Variants in HPSE2 observed in about 807,000 individuals in gnomAD.
HPSE2 encodes the protein heparanase 2 (inactive), also known as inactive heparanase-2.
HPSE2 carries 38 observed loss-of-function variants against 60.5 expected under a neutral mutation model. The observed-to-expected ratio is 0.63, with a 90% CI of 0.48 to 0.82. The LOEUF is 0.82. Among genes scored for constraint, HPSE2 ranks in the 40% least tolerant of loss-of-function variants. The pLI is 0.00. For synonymous variants in HPSE2, 295 were observed against 293.2 expected (o/e 1.01, Z -0.06); for missense variants, 713 against 740.4 (o/e 0.96, Z 0.43).
intron 3 of HPSE2, among the ~76,000 whole-genome samples, chr10:99,058,369 G>C (rs894951050): frequency 6.6e-6 from 1 of 152,188 alleles, no homozygotes; most frequent in Admixed American, 6.5e-5. Flanking sequence ...TGAGCCTCTA[G>C]TTTTGTGTTG....
intron 2 of HPSE2, among the ~76,000 whole-genome samples, chr10:99,208,657 C>A (rs1046335038): frequency 6.6e-6 from 1 of 151,166 alleles, no homozygotes; most frequent in African/African-American, 2.4e-5. Flanking sequence ...TGCACTCCCA[C>A]CTGGGTGACA....
chr10:98,619,211 GC>G (rs939821109), intron 8 of HPSE2, among the ~76,000 whole-genome samples: 9 of 152,088 alleles, frequency 5.9e-5, no homozygotes, highest in African/African-American at 2.2e-4. Context: ...TGAGGGCAAA[GC>G]TATGGTTCTT....
chr10:98,585,674 G>A (rs1396345536), intron 9 of HPSE2, among the ~76,000 whole-genome samples: 1 of 151,580 alleles, frequency 6.6e-6, no homozygotes, highest in Non-Finnish European at 1.5e-5. Context: ...TATTAAGGCC[G>A]GGCGCAGTGG....
At chr10:98,688,752 A>G (rs933776454) in intron 6 of HPSE2, among the ~76,000 whole-genome samples, 8 of 151,776 alleles carry the variant, frequency 5.3e-5, no homozygotes, top group Admixed American at 5.3e-4. Flanking sequence ...TTGGGATTAC[A>G]GGCATGAGTC....
intron 3 of HPSE2, among the ~76,000 whole-genome samples, chr10:98,922,640 A>G (rs372312157): frequency 1.0e-3 from 156 of 152,282 alleles, no homozygotes; most frequent in Non-Finnish European, 1.9e-3. Context: ...ATGGGCACCA[A>G]TTGGGGTGAT....
intron 9 of HPSE2, among the ~76,000 whole-genome samples, chr10:98,519,267 C>G (rs967623944): frequency 2.0e-5 from 3 of 152,202 alleles, no homozygotes; most frequent in Non-Finnish European, 4.4e-5. Context: ...AAGATAAAGT[C>G]TCACACCTTG....
chr10:99,277,457 C>T, the HPSE2 span, among the ~76,000 whole-genome samples: 2 of 152,120 alleles, frequency 1.3e-5, no homozygotes, highest in Admixed American at 1.3e-4. Flanking sequence ...TAAAATGAAT[C>T]CCTTATGAGG....
At chr10:98,874,976 G>A (rs772932480) in intron 3 of HPSE2, among the ~76,000 whole-genome samples, 5 of 152,068 alleles carry the variant, frequency 3.3e-5, no homozygotes, top group African/African-American at 4.8e-5. Context: ...GATCGTGGTG[G>A]ATAAGTTTTT....
intron 3 of HPSE2, among the ~76,000 whole-genome samples, chr10:98,745,288 A>G (rs1565131046): frequency 2.0e-5 from 3 of 152,242 alleles, no homozygotes; most frequent in South Asian, 4.1e-4. Context: ...TGTGTCTCCT[A>G]TTTATCCCAT....
intron 3 of HPSE2, among the ~76,000 whole-genome samples, chr10:99,092,156 A>G (rs2135599857): frequency 1.3e-5 from 2 of 152,284 alleles, no homozygotes; most frequent in South Asian, 4.1e-4. Context: ...AAAGGCTTGG[A>G]TAAGTCCTAT....
intron 3 of HPSE2, among the ~76,000 whole-genome samples, chr10:98,789,326 C>G (rs991818442): frequency 6.6e-6 from 1 of 152,134 alleles, no homozygotes; most frequent in Non-Finnish European, 1.5e-5. Context: ...TTGGAACAGT[C>G]GTAGTTGAAA....
the HPSE2 span, among the ~76,000 whole-genome samples, chr10:99,259,802 T>C: frequency 6.6e-6 from 1 of 152,192 alleles, no homozygotes; most frequent in Non-Finnish European, 1.5e-5. Flanking sequence ...ACCTGAGCTC[T>C]GCCTCTGTCA....
intron 4 of HPSE2, among the ~76,000 whole-genome samples, chr10:98,727,588 G>A (rs11189786): frequency 0.14 from 21,601 of 151,800 alleles, 1,924 homozygotes; most frequent in Admixed American, 0.23. Context: ...TCCAGGAGGC[G>A]GAGGTTGCAG....
chr10:98,545,452 C>T (rs1943636086), intron 9 of HPSE2, among the ~76,000 whole-genome samples: 2 of 152,118 alleles, frequency 1.3e-5, no homozygotes, highest in Admixed American at 1.3e-4. Flanking sequence ...AAAGCTTATC[C>T]ACCATGATCA....
chr10:98,655,833 CAT>C (rs1947046569), intron 6 of HPSE2, among the ~76,000 whole-genome samples: 1 of 152,122 alleles, frequency 6.6e-6, no homozygotes, highest in Non-Finnish European at 1.5e-5. Context: ...ATGTGATACA[CAT>C]GTGTCATTTT....
chr10:99,151,023 A>C, intron 2 of HPSE2, among the ~76,000 whole-genome samples: 1 of 152,296 alleles, frequency 6.6e-6, no homozygotes, highest in Middle Eastern at 3.4e-3. Flanking sequence ...TAAAAATAAA[A>C]ATTTTTAAAA....
intron 3 of HPSE2, among the ~76,000 whole-genome samples, chr10:98,800,446 T>C (rs1208331735): frequency 1.4e-5 from 2 of 147,770 alleles, no homozygotes; most frequent in Non-Finnish European, 3.0e-5. Flanking sequence ...ATATTATAAT[T>C]TTATATAACA....
In HPSE2 at chr10:99,144,373, C is replaced by G. The variant is rs1410262841; in HGVS notation, c.475G>C (p.Asp159His). ...GCAATCTTGCAGCCTTTCTGTTTAT[C>G]TAAGGCAACATCACTTCGAACAATG... ...DDIVRSDVAL[D>H]KQKGCKIAQH... is the part of the protein sequence containing the mutation. Residue 159 changes from aspartate (D) to histidine (H), a missense_variant, in exon 3 of 12, where the codon GAT becomes CAT. Physicochemically the swap from Asp to His is moderately conservative, Grantham distance 81. Transcript: ENST00000370552. The G allele has an allele frequency of 6.2e-7, 1 of 1,613,884 alleles. No individual in the cohort carries two copies.
intron 3 of HPSE2, among the ~76,000 whole-genome samples, chr10:98,981,460 A>G (rs1029265144): frequency 2.6e-5 from 4 of 152,170 alleles, no homozygotes; most frequent in African/African-American, 9.7e-5. Flanking sequence ...AGGGAGGCTC[A>G]TATCCTCATA....
Sources: gnomAD v4.1 joint callset for allele counts (sites outside exome capture counted in the v4.1 genomes callset) on GRCh38, gnomAD v4.1.1 for gene constraint, MANE v1.5 for transcripts, NCBI Gene and HGNC (gene_info 2026-07-23, HGNC 2026-07-21) for gene names.